ZFHX3: variants seen among roughly 807,000 people sequenced by gnomAD.
ZFHX3 encodes the protein zinc finger homeobox 3, also known as zinc finger homeobox protein 3.
A neutral mutation model predicts 279.1 loss-of-function variants in ZFHX3; 42 were observed. That is an observed-to-expected ratio of 0.15 (90% CI 0.12 to 0.19). The LOEUF is 0.19. Ranked by LOEUF, ZFHX3 falls within the 10% of genes least tolerant of loss-of-function variation. ZFHX3 has a pLI of 1.00. For synonymous variants in ZFHX3, 2,293 were observed against 1,957.8 expected (o/e 1.17, Z -4.52); for missense variants, 4,981 against 4,754.0 (o/e 1.05, Z -1.40).
intron 1 of ZFHX3, among the ~76,000 whole-genome samples, chr16:73,682,007 A>G (rs951564350): frequency 5.3e-5 from 8 of 151,560 alleles, no homozygotes; most frequent in Admixed American, 4.6e-4. Context: ...ACGTACATAA[A>G]GCCCTTAACG....
intron 3 of ZFHX3, among the ~76,000 whole-genome samples, chr16:73,382,607 T>C (rs954885002): frequency 1.3e-5 from 2 of 151,824 alleles, no homozygotes; most frequent in South Asian, 2.1e-4. Flanking sequence ...GGCTGGAATG[T>C]TTTTGCAGAC....
intron 2 of ZFHX3, among the ~76,000 whole-genome samples, chr16:73,631,924 C>CTA (rs2052474364): frequency 1.2e-5 from 1 of 83,684 alleles, no homozygotes; most frequent in Non-Finnish European, 2.5e-5. Context: ...CTCTCTCTCT[C>CTA]TCTCACACAC....
chr16:73,530,114 A>G (rs1213410479), intron 2 of ZFHX3, among the ~76,000 whole-genome samples: 1 of 152,174 alleles, frequency 6.6e-6, no homozygotes, highest in African/African-American at 2.4e-5. Context: ...GTGGCTGGGG[A>G]GGCCTCACAA....
intron 3 of ZFHX3, among the ~76,000 whole-genome samples, chr16:72,907,030 A>G (rs17680205): frequency 0.13 from 19,767 of 152,232 alleles, 1,714 homozygotes; most frequent in Non-Finnish European, 0.2. Context: ...CCGGGGCTAC[A>G]GTATTAAGAT....
chr16:72,973,126 A>T (rs1479031149), intron 1 of ZFHX3, among the ~76,000 whole-genome samples: 1 of 152,170 alleles, frequency 6.6e-6, no homozygotes, highest in East Asian at 1.9e-4. Context: ...AGACCAGAAG[A>T]TGTCTGTACA....
At chr16:73,566,428 C>G (rs1208149640) in intron 2 of ZFHX3, among the ~76,000 whole-genome samples, 6 of 152,340 alleles carry the variant, frequency 3.9e-5, no homozygotes, top group Admixed American at 1.3e-4. Context: ...AAGGTATCAA[C>G]CGGGCTGATT....
intron 1 of ZFHX3, among the ~76,000 whole-genome samples, chr16:73,769,782 AT>A (rs1399628467): frequency 1.3e-5 from 2 of 152,196 alleles, no homozygotes; most frequent in African/African-American, 4.8e-5. Flanking sequence ...GGTTCAGGAC[AT>A]GGAAGAATCC....
intron 1 of ZFHX3, among the ~76,000 whole-genome samples, chr16:73,020,579 G>C (rs1009350746): frequency 6.6e-6 from 1 of 152,220 alleles, no homozygotes; most frequent in Non-Finnish European, 1.5e-5. Context: ...CCGTGGTGTT[G>C]ACTTTGGCAG....
intron 1 of ZFHX3, among the ~76,000 whole-genome samples, chr16:72,999,641 A>G (rs1273129775): frequency 6.6e-6 from 1 of 152,190 alleles, no homozygotes; most frequent in Non-Finnish European, 1.5e-5. Flanking sequence ...TGACCCATCT[A>G]TCCTGAGAGC....
rs73603592 is a variant in ZFHX3 at position 73,877,690 on chromosome 16, A to G, written c.-1608+13961T>C. Among the ~76,000 whole-genome samples, 715 of 152,334 alleles carry G rather than the reference A, an allele frequency of 4.7e-3. 8 individuals are homozygous for G. Among genetic ancestry groups the G allele is most frequent in the African/African-American group, 0.016 (678 of 41,584 alleles). On this transcript the variant is annotated intron_variant, in intron 1 of 17. Coordinates refer to the ZFHX3 transcript ENST00000641206. Reference sequence around the variant, plus strand: ...AGTCAAATATTATTACCAAATGACTATCAGGGAAATATAGATTATATTCAG... The same window carrying G: ...AGTCAAATATTATTACCAAATGACTGTCAGGGAAATATAGATTATATTCAG...
At chr16:73,213,870 A>T (rs1251634717) in intron 5 of ZFHX3, among the ~76,000 whole-genome samples, 1 of 152,172 alleles carries the variant, frequency 6.6e-6, no homozygotes, top group Non-Finnish European at 1.5e-5. Flanking sequence ...TTTTCAGAAG[A>T]TGGCTCTCCT....
intron 3 of ZFHX3, among the ~76,000 whole-genome samples, chr16:72,922,825 C>T (rs1318732633): frequency 2.0e-5 from 3 of 152,146 alleles, no homozygotes; most frequent in Non-Finnish European, 2.9e-5. Flanking sequence ...CTTCACTTTA[C>T]AGCTGACGTT....
chr16:72,923,963 T>C (rs1959295516), intron 3 of ZFHX3, among the ~76,000 whole-genome samples: 1 of 152,206 alleles, frequency 6.6e-6, no homozygotes, highest in Non-Finnish European at 1.5e-5. Flanking sequence ...GTCAAAATAA[T>C]AATTATCACA....
intron 2 of ZFHX3, among the ~76,000 whole-genome samples, chr16:73,619,987 A>G (rs1174245956): frequency 1.3e-5 from 2 of 152,104 alleles, no homozygotes; most frequent in Non-Finnish European, 2.9e-5. Context: ...GGGGGCTCTC[A>G]CTATGTTGCC....
At chr16:73,772,798 G>A (rs569323700) in intron 1 of ZFHX3, among the ~76,000 whole-genome samples, 107 of 152,302 alleles carry the variant, frequency 7.0e-4, no homozygotes, top group African/African-American at 2.4e-3. Context: ...TAATCTGGCT[G>A]TCACTAAATA....
intron 2 of ZFHX3, among the ~76,000 whole-genome samples, chr16:73,476,023 T>C (rs2018759415): frequency 6.6e-6 from 1 of 152,172 alleles, no homozygotes; most frequent in Non-Finnish European, 1.5e-5. Flanking sequence ...AATCGTAATT[T>C]TGAACAGGAA....
exon 3 of ZFHX3, chr16:73,456,233 A>T (rs923816163): frequency 1.3e-5 from 2 of 152,184 alleles, no homozygotes; most frequent in African/African-American, 2.4e-5. Flanking sequence ...GGGATATTTT[A>T]TACTTGTTCC....
chr16:72,815,214 C>T (rs2036571285), intron 5 of ZFHX3, among the ~76,000 whole-genome samples: 1 of 152,056 alleles, frequency 6.6e-6, no homozygotes, highest in South Asian at 2.1e-4. Flanking sequence ...TCAAGACCAG[C>T]CTAGGCAACA....
chr16:73,500,651 A>G (rs2019219774), intron 2 of ZFHX3, among the ~76,000 whole-genome samples: 1 of 143,558 alleles, frequency 7.0e-6, no homozygotes, highest in Admixed American at 7.1e-5. Flanking sequence ...TATTTTAAAA[A>G]GTTTAAAGAG....
Sources: gnomAD v4.1 joint callset for allele counts (sites outside exome capture counted in the v4.1 genomes callset) on GRCh38, gnomAD v4.1.1 for gene constraint, MANE v1.5 for transcripts, NCBI Gene and HGNC (gene_info 2026-07-23, HGNC 2026-07-21) for gene names.